Variants in TENM2 observed in about 807,000 individuals in gnomAD.
TENM2 encodes teneurin-2.
A neutral mutation model predicts 245.2 loss-of-function variants in TENM2; 52 were observed. The ratio of observed to expected loss-of-function variants is 0.21; its 90% confidence interval spans 0.17 to 0.27. The LOEUF (loss-of-function observed/expected upper bound fraction) is 0.27. TENM2 is among the 10% of genes least tolerant of loss of function. The pLI is 1.00. For missense variants in TENM2, 3,046 were observed against 3,666.8 expected (o/e 0.83, Z 4.37); for synonymous variants, 1,363 against 1,438.9 (o/e 0.95, Z 1.19).
chr5:167,129,573 C>T, the TENM2 span, among the ~76,000 whole-genome samples: 2 of 152,182 alleles, frequency 1.3e-5, no homozygotes, highest in African/African-American at 4.8e-5. Flanking sequence ...CGAGCCTCTC[C>T]TCTGATCTTG....
At chr5:168,136,578 A>G (rs914485345) in intron 12 of TENM2, among the ~76,000 whole-genome samples, 1 of 152,184 alleles carries the variant, frequency 6.6e-6, no homozygotes, top group South Asian at 2.1e-4. Context: ...CAGCTTTATC[A>G]ACGGGTCCAA....
intron 2 of TENM2, among the ~76,000 whole-genome samples, chr5:167,410,281 C>G (rs960547256): frequency 4.6e-5 from 7 of 152,006 alleles, no homozygotes; most frequent in African/African-American, 1.7e-4. Context: ...GATGGCCTAT[C>G]TTTATGAAGG....
At chr5:168,000,390 G>A (rs1784341672) in intron 5 of TENM2, among the ~76,000 whole-genome samples, 1 of 152,316 alleles carries the variant, frequency 6.6e-6, no homozygotes, top group East Asian at 1.9e-4. Context: ...GTCGTAGAAA[G>A]CACATACATG....
the TENM2 span, among the ~76,000 whole-genome samples, chr5:167,222,741 C>T: frequency 0.21 from 32,365 of 152,104 alleles, 4,133 homozygotes; most frequent in African/African-American, 0.36. Context: ...AGATGACCTT[C>T]ATGCCTCTCT....
chr5:167,920,330 TA>T (rs1302068443), intron 3 of TENM2, among the ~76,000 whole-genome samples: 11 of 121,018 alleles, frequency 9.1e-5, no homozygotes, highest in Non-Finnish European at 1.0e-4. Flanking sequence ...TGTCTCTACT[TA>T]AAAAAAAAAG....
At chr5:167,234,418 T>C in the TENM2 span, among the ~76,000 whole-genome samples, 1 of 152,170 alleles carries the variant, frequency 6.6e-6, no homozygotes, top group African/African-American at 2.4e-5. Flanking sequence ...TTGAGGCATT[T>C]TTTGGTCATA....
the TENM2 span, among the ~76,000 whole-genome samples, chr5:166,979,518 C>T: frequency 6.6e-6 from 1 of 152,148 alleles, no homozygotes; most frequent in East Asian, 1.9e-4. Context: ...ACTGACCGAG[C>T]TGCTGGTAAA....
chr5:168,044,371 C>T (rs904807790), intron 5 of TENM2, among the ~76,000 whole-genome samples: 17 of 152,234 alleles, frequency 1.1e-4, no homozygotes, highest in Non-Finnish European at 2.4e-4. Context: ...GCCTAGATAG[C>T]GCCACTGCAC....
intron 19 of TENM2, among the ~76,000 whole-genome samples, chr5:168,209,779 C>T (rs539657788): frequency 6.6e-6 from 1 of 152,182 alleles, no homozygotes; most frequent in African/African-American, 2.4e-5. Context: ...GTTTTTCCAG[C>T]CCTAACTCTC....
chr5:167,914,265 A>G (rs1228568422), intron 3 of TENM2, among the ~76,000 whole-genome samples: 1 of 152,260 alleles, frequency 6.6e-6, no homozygotes, highest in East Asian at 1.9e-4. Flanking sequence ...TGAGAAGTAC[A>G]AAATGGTTTG....
intron 2 of TENM2, among the ~76,000 whole-genome samples, chr5:167,420,084 A>G (rs930098356): frequency 6.6e-6 from 1 of 152,240 alleles, no homozygotes; most frequent in African/African-American, 2.4e-5. Flanking sequence ...ATACTTTGCA[A>G]AAGGTCACCA....
upstream of TENM2, among the ~76,000 whole-genome samples, chr5:167,280,467 T>C (rs1229766431): frequency 2.0e-5 from 3 of 152,162 alleles, no homozygotes; most frequent in Non-Finnish European, 4.4e-5. Context: ...GGCTCTCCTG[T>C]ACTGTGGTTG....
chr5:167,082,753 T>G, the TENM2 span, among the ~76,000 whole-genome samples: 1 of 152,152 alleles, frequency 6.6e-6, no homozygotes, highest in African/African-American at 2.4e-5. Flanking sequence ...AGCCAATAGT[T>G]TCTAGTTTGA....
At chr5:167,405,071 G>C (rs565630904) in intron 2 of TENM2, among the ~76,000 whole-genome samples, 180 of 152,064 alleles carry the variant, frequency 1.2e-3, no homozygotes, top group Non-Finnish European at 1.1e-3. Context: ...CTTTCATTTA[G>C]CATGATGTTC....
At chr5:167,520,315 A>C (rs1770669925) in intron 2 of TENM2, among the ~76,000 whole-genome samples, 1 of 152,226 alleles carries the variant, frequency 6.6e-6, no homozygotes, top group African/African-American at 2.4e-5. Flanking sequence ...AAACAGCAGG[A>C]TCTCGGCAGG....
At chr5:167,609,134 CAT>C (rs1445137075) in intron 2 of TENM2, among the ~76,000 whole-genome samples, 2 of 152,016 alleles carry the variant, frequency 1.3e-5, no homozygotes, top group African/African-American at 4.8e-5. Flanking sequence ...GTAGGTGCCT[CAT>C]GTGTCATTCA....
At chr5:167,178,130 C>A in the TENM2 span, among the ~76,000 whole-genome samples, 1 of 152,160 alleles carries the variant, frequency 6.6e-6, no homozygotes, top group Admixed American at 6.5e-5. Context: ...GTGAAGGAGG[C>A]TATTAATATA....
At chr5:167,023,010 T>C in the TENM2 span, among the ~76,000 whole-genome samples, 18,335 of 152,240 alleles carry the variant, frequency 0.12, 3,407 homozygotes, top group African/African-American at 0.4. Context: ...TCCAGCTAAA[T>C]AGAAACATTT....
At chr5:168,221,889 A>G (rs528637789) in intron 23 of TENM2, among the ~76,000 whole-genome samples, 1 of 152,296 alleles carries the variant, frequency 6.6e-6, no homozygotes, top group South Asian at 2.1e-4. Context: ...TTGACGTTGG[A>G]CACGTTATTT....
Sources: gnomAD v4.1 joint callset for allele counts (sites outside exome capture counted in the v4.1 genomes callset) on GRCh38, gnomAD v4.1.1 for gene constraint, MANE v1.5 for transcripts, NCBI Gene and HGNC (gene_info 2026-07-23, HGNC 2026-07-21) for gene names.